Variants in ZC3H12B observed in about 807,000 individuals in gnomAD.
ZC3H12B encodes the protein zinc finger CCCH-type containing 12B.
In ZC3H12B, 7 loss-of-function variants were observed where a neutral mutation model predicts 43.9. The observed-to-expected ratio is 0.16, with a 90% CI of 0.09 to 0.30. The LOEUF is 0.30. Among genes scored for constraint, ZC3H12B ranks in the 10% least tolerant of loss-of-function variants. The probability of loss-of-function intolerance (pLI) is 1.00; values close to 1 mark genes in which losing one functional copy is unlikely to be tolerated. For missense variants in ZC3H12B, 475 were observed against 670.2 expected, an observed-to-expected ratio of 0.71 and a Z score of 3.22; for synonymous variants, 222 against 241.7, an observed-to-expected ratio of 0.92 and a Z score of 0.76.
chrX:65,227,583 T>C, the ZC3H12B span, among the ~76,000 whole-genome samples: 1 of 111,471 alleles, frequency 9.0e-6, no homozygotes, highest in Non-Finnish European at 1.9e-5. Flanking sequence ...AAAAAATTAA[T>C]GAATCCAGTA....
chrX:65,388,618 G>C (rs191424503), intron 2 of ZC3H12B, among the ~76,000 whole-genome samples: 2 of 111,161 alleles, frequency 1.8e-5, no homozygotes, highest in African/African-American at 6.5e-5. Flanking sequence ...TAGTTTGATT[G>C]TCTTAAGCCT....
chrX:65,225,112 T>A, the ZC3H12B span, among the ~76,000 whole-genome samples: 2 of 111,654 alleles, frequency 1.8e-5, no homozygotes, highest in Non-Finnish European at 1.9e-5. Context: ...GCAGCCTAAC[T>A]GGGAGGCACC....
At chrX:65,365,972 C>CA (rs1235776919), upstream of ZC3H12B, among the ~76,000 whole-genome samples, 10 of 110,174 alleles carry the variant, frequency 9.1e-5, no homozygotes, top group East Asian at 2.0e-3. Context: ...AGTTGAAAAA[C>CA]AAAAAACATA....
chrX:65,145,856 T>C, the ZC3H12B span, among the ~76,000 whole-genome samples: 1 of 111,860 alleles, frequency 8.9e-6, no homozygotes, highest in African/African-American at 3.2e-5. Context: ...AAATCTGATG[T>C]TAATCACATA....
chrX:65,351,406 G>A, the ZC3H12B span, among the ~76,000 whole-genome samples: 1 of 111,843 alleles, frequency 8.9e-6, no homozygotes, highest in Non-Finnish European at 1.9e-5. Flanking sequence ...CATAGGCATG[G>A]GCAAAGACTT....
the ZC3H12B span, among the ~76,000 whole-genome samples, chrX:65,223,425 A>G: frequency 8.9e-6 from 1 of 112,792 alleles, no homozygotes; most frequent in Non-Finnish European, 1.9e-5. Context: ...CAAAGACTTC[A>G]TGACCAAGAA....
At chrX:65,407,441 A>G (rs2066844835) in intron 3 of ZC3H12B, among the ~76,000 whole-genome samples, 2 of 112,533 alleles carry the variant, frequency 1.8e-5, no homozygotes, top group African/African-American at 3.2e-5. Flanking sequence ...CTCCCCGGCC[A>G]GGAGCCTCCG....
the ZC3H12B span, among the ~76,000 whole-genome samples, chrX:65,287,331 A>G: frequency 1.8e-5 from 2 of 112,124 alleles, no homozygotes; most frequent in Admixed American, 9.5e-5. Flanking sequence ...AATTACATCA[A>G]ATATCTTTTC....
chrX:65,392,630 T>A (rs1280412563), intron 2 of ZC3H12B, among the ~76,000 whole-genome samples: 1 of 108,074 alleles, frequency 9.3e-6, no homozygotes, highest in Non-Finnish European at 1.9e-5. Context: ...GTCTGGGAGG[T>A]GGGGGGCGCC....
At chrX:65,269,662 G>A in the ZC3H12B span, among the ~76,000 whole-genome samples, 1 of 109,439 alleles carries the variant, frequency 9.1e-6, no homozygotes, top group Non-Finnish European at 1.9e-5. Context: ...ATCACACCTG[G>A]CTTTTTTTTT....
chrX:65,321,674 AT>A, the ZC3H12B span, among the ~76,000 whole-genome samples: 1 of 109,818 alleles, frequency 9.1e-6, no homozygotes, highest in African/African-American at 3.3e-5. Flanking sequence ...GGTAGACTGG[AT>A]AAAAAAAAAA....
chrX:65,083,841 T>C, the ZC3H12B span, among the ~76,000 whole-genome samples: 1 of 111,816 alleles, frequency 8.9e-6, no homozygotes, highest in Non-Finnish European at 1.9e-5. Context: ...ATCACATTAT[T>C]GACTTCAAAT....
At chrX:65,396,297 C>T (rs757418141) in intron 2 of ZC3H12B, among the ~76,000 whole-genome samples, 4 of 111,926 alleles carry the variant, frequency 3.6e-5, no homozygotes, top group South Asian at 3.7e-4. Context: ...TAGATCTTTT[C>T]GGCTTTCTGA....
At chrX:65,037,802 G>A in the ZC3H12B span, among the ~76,000 whole-genome samples, 2 of 111,086 alleles carry the variant, frequency 1.8e-5, no homozygotes, top group Non-Finnish European at 3.8e-5. Context: ...ATTAGTATAT[G>A]ATAACTTAGT....
chrX:65,266,470 C>A, the ZC3H12B span, among the ~76,000 whole-genome samples: 1 of 112,033 alleles, frequency 8.9e-6, no homozygotes, highest in Non-Finnish European at 1.9e-5. Context: ...ACAAAAGCAA[C>A]TGATGAGCTG....
the ZC3H12B span, among the ~76,000 whole-genome samples, chrX:65,066,735 A>G: frequency 5.4e-5 from 6 of 111,877 alleles, no homozygotes; most frequent in South Asian, 2.2e-3. Context: ...CTGAAGCTGC[A>G]CCCACTTGCT....
At chrX:65,384,558 C>T (rs2066494475) in intron 2 of ZC3H12B, among the ~76,000 whole-genome samples, 1 of 110,249 alleles carries the variant, frequency 9.1e-6, no homozygotes, top group Non-Finnish European at 1.9e-5. Flanking sequence ...AGTTGGTATT[C>T]CTTAAAAGTT....
the ZC3H12B span, among the ~76,000 whole-genome samples, chrX:65,058,453 G>T: frequency 8.9e-6 from 1 of 112,034 alleles, no homozygotes; most frequent in Non-Finnish European, 1.9e-5. Flanking sequence ...TCTCAGAGGG[G>T]TAACCAGCCA....
At chrX:65,241,772 G>T in the ZC3H12B span, among the ~76,000 whole-genome samples, 97 of 111,866 alleles carry the variant, frequency 8.7e-4, no homozygotes, top group Middle Eastern at 4.6e-3. Context: ...CAATCTAGTG[G>T]TTCTTAACTT....
Sources: gnomAD v4.1 joint callset for allele counts (sites outside exome capture counted in the v4.1 genomes callset) on GRCh38, gnomAD v4.1.1 for gene constraint, MANE v1.5 for transcripts, NCBI Gene and HGNC (gene_info 2026-07-23, HGNC 2026-07-21) for gene names.